MYH16: variants seen among roughly 807,000 people sequenced by gnomAD.
The protein encoded by MYH16 is putative uncharacterized protein MYH16.
chr7:99,277,163 A>AGGAG (rs1792125926), intron 20 of MYH16, among the ~76,000 whole-genome samples: 1 of 152,090 alleles, frequency 6.6e-6, no homozygotes, highest in Admixed American at 6.5e-5. Flanking sequence ...TAGGGAAGGA[A>AGGAG]GGAGGGAGGG....
At chr7:99,301,118 C>T (rs1312302108) in intron 37 of MYH16, among the ~76,000 whole-genome samples, 1 of 149,896 alleles carries the variant, frequency 6.7e-6, no homozygotes, top group African/African-American at 2.5e-5. Flanking sequence ...TCACTTGAAC[C>T]CGGGAGGCGG....
chr7:99,295,942 G>A (rs534413384), intron 33 of MYH16, among the ~76,000 whole-genome samples: 6 of 150,988 alleles, frequency 4.0e-5, no homozygotes, highest in Non-Finnish European at 8.8e-5. Context: ...AGGAGTTTGA[G>A]AGCAGCTTGG....
At chr7:99,249,589 T>G (rs1278897909) in intron 4 of MYH16, among the ~76,000 whole-genome samples, 5 of 146,810 alleles carry the variant, frequency 3.4e-5, no homozygotes, top group African/African-American at 1.3e-4. Context: ...TTTTTTTTTT[T>G]TTTTTTTTGA....
intron 22 of MYH16, 148 bp downstream of exon 4, chr7:99,279,885 C>T (rs886839001): frequency 2.2e-5 from 8 of 355,690 alleles, no homozygotes; most frequent in African/African-American, 1.1e-4. Flanking sequence ...GTTTGTTTTG[C>T]GACAGAGTCT....
chr7:99,253,254 G>A (rs1399180350), intron 7 of MYH16: 1 of 151,568 alleles, frequency 6.6e-6, no homozygotes, highest in East Asian at 1.9e-4. Flanking sequence ...ATGGAGAGGG[G>A]ATTCCTGCTT....
chr7:99,282,744 T>G (rs746755374), intron 23 of MYH16, among the ~76,000 whole-genome samples: 2 of 151,840 alleles, frequency 1.3e-5, no homozygotes, highest in Non-Finnish European at 2.9e-5. Context: ...GCGAGAGGGT[T>G]GCTTGAGCCC....
chr7:99,242,141 A>G (rs1791674512), intron 1 of MYH16, among the ~76,000 whole-genome samples: 1 of 152,308 alleles, frequency 6.6e-6, no homozygotes, highest in East Asian at 1.9e-4. Flanking sequence ...GATTACAGGC[A>G]TGAGCCACTG....
chr7:99,277,418 A>G (rs1205899096), intron 20 of MYH16, 121 bp from the exon 3 acceptor site: 2 of 349,384 alleles, frequency 5.7e-6, no homozygotes, highest in Non-Finnish European at 1.1e-5. Context: ...CTACAGCAAG[A>G]GCTGCTTCCC....
chr7:99,259,787 T>G (rs990043277), intron 11 of MYH16, among the ~76,000 whole-genome samples: 1 of 147,678 alleles, frequency 6.8e-6, no homozygotes, highest in Admixed American at 6.9e-5. Context: ...TACACGTATA[T>G]TGTATGTATA....
intron 8 of MYH16, among the ~76,000 whole-genome samples, chr7:99,255,108 A>C (rs1265923872): frequency 5.3e-5 from 8 of 152,122 alleles, no homozygotes; most frequent in African/African-American, 1.9e-4. Flanking sequence ...ATCTCTACTG[A>C]AAATACAAAA....
At chr7:99,269,201 A>C (rs139453869) in intron 18 of MYH16, among the ~76,000 whole-genome samples, 1 of 152,086 alleles carries the variant, frequency 6.6e-6, no homozygotes, top group East Asian at 1.9e-4. Flanking sequence ...TCAACCTTTC[A>C]TGTCTTTCCT....
chr7:99,289,378 T>C, exon 30 of MYH16: 1 of 444,674 alleles, frequency 2.2e-6, no homozygotes, highest in Non-Finnish European at 4.5e-6. Flanking sequence ...CAAGCAGAAA[T>C]CAATGCCATC....
intron 13 of MYH16, among the ~76,000 whole-genome samples, chr7:99,262,222 C>T (rs987391540): frequency 5.3e-5 from 8 of 152,304 alleles, no homozygotes; most frequent in African/African-American, 1.7e-4. Flanking sequence ...ATTTTATTAT[C>T]GCTGTAAGTG....
intron 23 of MYH16, 24 bp downstream of exon 5, chr7:99,281,004 T>C (rs1199521747): frequency 2.8e-6 from 1 of 362,524 alleles, no homozygotes; most frequent in Non-Finnish European, 5.4e-6. Context: ...GCATCTTCCC[T>C]CAGCCCAGCA....
chr7:99,289,300 C>T (rs779568864), exon 30 of MYH16: 3 of 432,718 alleles, frequency 6.9e-6, no homozygotes, highest in Non-Finnish European at 1.4e-5. Flanking sequence ...AACGCCGAGG[C>T]CCACGTCAGA....
intron 2 of MYH16, among the ~76,000 whole-genome samples, chr7:99,246,496 G>A (rs1166974346): frequency 6.6e-6 from 1 of 152,200 alleles, no homozygotes; most frequent in Non-Finnish European, 1.5e-5. Flanking sequence ...GAGGTCAGGA[G>A]TTTGTGACCA....
At chr7:99,286,696 C>A (rs564848461) in intron 28 of MYH16, among the ~76,000 whole-genome samples, 1 of 152,106 alleles carries the variant, frequency 6.6e-6, no homozygotes, top group Non-Finnish European at 1.5e-5. Context: ...CAGTGGCTCA[C>A]GCCTGTAATC....
At chr7:99,293,563 T>C (rs1449547853) in intron 32 of MYH16, among the ~76,000 whole-genome samples, 1 of 152,160 alleles carries the variant, frequency 6.6e-6, no homozygotes, top group African/African-American at 2.4e-5. Flanking sequence ...TTCCCTGGCT[T>C]AGACCTTTGC....
intron 36 of MYH16, among the ~76,000 whole-genome samples, chr7:99,298,528 C>T (rs1485935523): frequency 2.0e-5 from 3 of 152,130 alleles, no homozygotes; most frequent in African/African-American, 7.2e-5. Context: ...CCATCGTGCC[C>T]GGCCTATGAA....
Sources: gnomAD v4.1 joint callset for allele counts (sites outside exome capture counted in the v4.1 genomes callset) on GRCh38, gnomAD v4.1.1 for gene constraint, MANE v1.5 for transcripts, NCBI Gene and HGNC (gene_info 2026-07-23, HGNC 2026-07-21) for gene names.